BMS1: variants seen among roughly 807,000 people sequenced by gnomAD.
BMS1 encodes the protein ribosome biogenesis protein BMS1 homolog.
Under a neutral mutation model 138.7 loss-of-function variants are expected in BMS1, and 53 were observed. The ratio of observed to expected loss-of-function variants is 0.38; its 90% CI spans 0.31 to 0.48. The LOEUF (loss-of-function observed/expected upper bound fraction) is 0.48. Among genes scored for constraint, BMS1 ranks in the 20% least tolerant of loss-of-function variants. The pLI is 0.97. For missense variants in BMS1, 1,360 were observed against 1,565.5 expected, an observed-to-expected ratio of 0.87 and a Z score of 2.22; for synonymous variants, 504 against 539.9, an observed-to-expected ratio of 0.93 and a Z score of 0.92.
At chr10:42,807,352 C>A (rs952584890) in intron 13 of BMS1, among the ~76,000 whole-genome samples, 1 of 152,140 alleles carries the variant, frequency 6.6e-6, no homozygotes, top group Non-Finnish European at 1.5e-5. Flanking sequence ...GAGATCCATT[C>A]AAGTTGGTGC....
Position 42,792,634 on chromosome 10 carries a change from C to T in BMS1, c.901+20C>T. 6.3e-7 allele frequency: 1 copy of T among 1,599,738 alleles called. No individual in the cohort carries two copies. Among genetic ancestry groups the T allele is most frequent in the Non-Finnish European group, 8.5e-7 (1 of 1,178,530 alleles). The stretch of plus-strand genomic sequence containing the variant: ...TGCCAGGTATTCTCTTGTTGTAGAA[C>T]ATACTAGAATTACACATAGGATTCT... On this transcript the variant is annotated intron_variant, in intron 7 of 22. Transcript: ENST00000374518.
At chr10:42,826,608 C>T (rs61844831) in intron 21 of BMS1, among the ~76,000 whole-genome samples, 1 of 152,198 alleles carries the variant, frequency 6.6e-6, no homozygotes, top group Non-Finnish European at 1.5e-5. Flanking sequence ...TCAGATTCTC[C>T]AGGGCTAGTC....
At chr10:42,806,420 C>T (rs1842011364) in intron 13 of BMS1, among the ~76,000 whole-genome samples, 1 of 152,174 alleles carries the variant, frequency 6.6e-6, no homozygotes, top group African/African-American at 2.4e-5. Flanking sequence ...CCTGATTTTG[C>T]TTATTTTCCA....
At position 42,832,466 on chromosome 10, in the gene BMS1, T is replaced by A. The variant is rs1185385336; in HGVS notation, c.*1370T>A. On this transcript the variant is annotated 3_prime_UTR_variant, in exon 23 of 23. Coordinates refer to ENST00000374518, the MANE Select transcript of BMS1 (RefSeq NM_014753.4). Reference sequence around the variant, plus strand: ...ACATATATGTATGTAGAACACTTCATGAATTTGTGTGTCATCTGTGCATGG... The same window carrying A: ...ACATATATGTATGTAGAACACTTCAAGAATTTGTGTGTCATCTGTGCATGG... 1 of 152,080 alleles carries A rather than the reference T, an allele frequency of 6.6e-6. No homozygotes were observed. The highest frequency in any genetic ancestry group is 1.5e-5 in the Non-Finnish European group (1 of 68,020). 9.4% of individuals were successfully genotyped at this position (152,080 alleles called of 1,614,324 possible). A position where few individuals can be genotyped will look rare whatever the true frequency, so the allele number is the denominator to read the frequency against.
At chr10:42,792,866 T>A in intron 7 of BMS1, 91 bp from the exon 8 acceptor site, 1 of 1,440,834 alleles carries the variant, frequency 6.9e-7, no homozygotes. Flanking sequence ...GTTAAGCCCT[T>A]GGACTGTGGA....
chr10:42,799,284 A>G (rs1841797663), intron 12 of BMS1, among the ~76,000 whole-genome samples: 1 of 152,068 alleles, frequency 6.6e-6, no homozygotes, highest in South Asian at 2.1e-4. Context: ...TAATTTTTGC[A>G]TTTTTTGTAG....
chr10:42,794,600 T>C (rs1472139980), intron 9 of BMS1, among the ~76,000 whole-genome samples: 1 of 151,186 alleles, frequency 6.6e-6, no homozygotes, highest in East Asian at 1.9e-4. Flanking sequence ...GCAGAATGCC[T>C]GACAGGTACG....
At chr10:42,820,464 T>C in intron 16 of BMS1, 40 bp downstream of exon 16, 1 of 1,611,516 alleles carries the variant, frequency 6.2e-7, no homozygotes, top group Non-Finnish European at 8.5e-7. Flanking sequence ...TGAGGCTCTG[T>C]GGATTTCCCC....
rs543033132 is a variant in BMS1, at chr10:42,814,080, T to C, written c.2330-2519T>C. Among the ~76,000 whole-genome samples, 97 of 152,328 alleles carry C rather than the reference T, an allele frequency of 6.4e-4. No individual in the cohort carries two copies. The Middle Eastern group carries it at 0.027, about 43-fold the overall frequency. On this transcript the variant is annotated intron_variant, in intron 13 of 22. Transcript: ENST00000374518. Reference sequence around the variant, plus strand: ...TTTAGTTTTGAAAGTTTAATCAGTGTTGCTTTCTTTTGTTATACTTTGAGG... The same window carrying C: ...TTTAGTTTTGAAAGTTTAATCAGTGCTGCTTTCTTTTGTTATACTTTGAGG...
At chr10:42,827,170 A>C (rs1842671512) in intron 21 of BMS1, among the ~76,000 whole-genome samples, 1 of 152,134 alleles carries the variant, frequency 6.6e-6, no homozygotes, top group Admixed American at 6.5e-5. Context: ...CTCTCTTGCC[A>C]TGTGAGCCCC....
chr10:42,788,285 T>C (rs1422056669), intron 4 of BMS1, among the ~76,000 whole-genome samples: 1 of 152,194 alleles, frequency 6.6e-6, no homozygotes, highest in Non-Finnish European at 1.5e-5. Flanking sequence ...TTTGTTTCTC[T>C]TTTATTTAAA....
intron 14 of BMS1, 38 bp from the exon 15 acceptor site, chr10:42,817,280 A>G (rs746832389): frequency 1.4e-6 from 2 of 1,453,216 alleles, no homozygotes; most frequent in African/African-American, 1.4e-5. Context: ...AAAGACCTTC[A>G]TAAACATACA....
At chr10:42,827,294 T>C (rs1842675750) in intron 21 of BMS1, among the ~76,000 whole-genome samples, 2 of 152,108 alleles carry the variant, frequency 1.3e-5, no homozygotes, top group Non-Finnish European at 2.9e-5. Context: ...GTGAGCCAAA[T>C]AAACCTTTTT....
At position 42,822,072 on chromosome 10, in the gene BMS1, G is replaced by A. The variant is rs193125778; in HGVS notation, c.3020G>A (p.Arg1007Gln). 7.2e-5 allele frequency: 114 copies of A among 1,593,862 alleles called. No individual in the cohort carries two copies. The highest frequency in any genetic ancestry group is 8.6e-5 in the Non-Finnish European group (101 of 1,177,828). ...TGGGGTTCCTGTTAGCCTGATTTTCGGATAGCTGCTACAGGAGTTGTCCTT... is the reference window on the plus strand; with the variant it reads ...TGGGGTTCCTGTTAGCCTGATTTTCAGATAGCTGCTACAGGAGTTGTCCTT... ...QSVSGIMPDF[R>Q]IAATGVVLDL... The change falls in exon 19 of 23, where the codon CGG (arginine) becomes CAG (glutamine). Residue 1007 changes from arginine to glutamine, a missense_variant. Physicochemically the swap from Arg to Gln is conservative, Grantham distance 43. Coordinates refer to ENST00000374518, the MANE Select transcript of BMS1 (RefSeq NM_014753.4).
At chr10:42,794,286 C>G (rs114032851) in intron 9 of BMS1, among the ~76,000 whole-genome samples, 1,756 of 152,224 alleles carry the variant, frequency 0.012, 42 homozygotes, top group African/African-American at 0.04. Context: ...ACTTGGCTTT[C>G]TTTTGGTGGC....
chr10:42,822,456 T>C (rs1842528971), intron 19 of BMS1, among the ~76,000 whole-genome samples: 1 of 152,178 alleles, frequency 6.6e-6, no homozygotes, highest in Non-Finnish European at 1.5e-5. Flanking sequence ...ATATTGAAAA[T>C]ATGTCATTTT....
intron 21 of BMS1, among the ~76,000 whole-genome samples, chr10:42,824,668 G>GT (rs1842589950): frequency 6.6e-6 from 1 of 152,114 alleles, no homozygotes; most frequent in African/African-American, 2.4e-5. Context: ...TTTGTGTATG[G>GT]TGTATGATCA....
At chr10:42,786,665 A>G (rs1841340237) in intron 3 of BMS1, among the ~76,000 whole-genome samples, 1 of 149,008 alleles carries the variant, frequency 6.7e-6, no homozygotes, top group African/African-American at 2.5e-5. Flanking sequence ...GGCTCAAGGG[A>G]TCCGCCTGCC....
At chr10:42,824,202 C>T (rs1292486666) in intron 21 of BMS1, among the ~76,000 whole-genome samples, 1 of 152,140 alleles carries the variant, frequency 6.6e-6, no homozygotes. Context: ...TTTTTATTAA[C>T]TATAGCCCTC....
Sources: allele counts gnomAD v4.1 joint callset (sites outside exome capture counted in the v4.1 genomes callset), GRCh38; gene constraint gnomAD v4.1.1; transcripts MANE v1.5; gene names NCBI Gene and HGNC (gene_info 2026-07-23, HGNC 2026-07-21).